The following CDC42BPA variants were observed in gnomAD, a reference collection of about 807,000 sequenced individuals.
CDC42BPA encodes the protein CDC42 binding protein kinase alpha, also known as serine/threonine-protein kinase MRCK alpha.
A neutral mutation model predicts 223.5 loss-of-function variants in CDC42BPA; 80 were observed. The observed-to-expected ratio is 0.36, with a 90% confidence interval of 0.30 to 0.43. The LOEUF is 0.43. Ranked by LOEUF, CDC42BPA falls within the 20% of genes least tolerant of loss-of-function variation. The pLI, the probability that CDC42BPA is intolerant of heterozygous loss-of-function variation, is 1.00. For missense variants in CDC42BPA, 1,743 were observed against 2,099.9 expected, an observed-to-expected ratio of 0.83 and a Z score of 3.32; for synonymous variants, 694 against 718.6, an observed-to-expected ratio of 0.97 and a Z score of 0.55.
intron 1 of CDC42BPA, among the ~76,000 whole-genome samples, chr1:227,297,940 ATGTGTGTGTG>A (rs151032239): frequency 1.1e-5 from 1 of 87,264 alleles, no homozygotes; most frequent in Non-Finnish European, 2.7e-5. Flanking sequence ...ATTTTGTTTT[ATGTGTGTGTG>A]TGTGTATATA....
chr1:227,206,714 G>T (rs1672787636), intron 3 of CDC42BPA, among the ~76,000 whole-genome samples: 1 of 152,028 alleles, frequency 6.6e-6, no homozygotes, highest in Non-Finnish European at 1.5e-5. Flanking sequence ...TTCCTTAAAA[G>T]TTTCAATGCA....
chr1:227,208,901 T>C (rs925833110), intron 3 of CDC42BPA, among the ~76,000 whole-genome samples: 2 of 152,084 alleles, frequency 1.3e-5, no homozygotes, highest in African/African-American at 4.8e-5. Flanking sequence ...AGAAAGTCAT[T>C]GGTAGCTTTA....
In CDC42BPA at chr1:227,112,368, G is replaced by A. The variant is rs1409129749; in HGVS notation, c.1945C>T (p.Arg649Cys). 3.1e-6 allele frequency: 5 copies of A among 1,608,540 alleles called. No homozygotes were observed. The highest frequency in any genetic ancestry group is 2.5e-6 in the Non-Finnish European group (3 of 1,177,496). ...AAEASKDRKL[R>C]EQSEHYSKQL... ...TTAGAATAGTGCTCACTCTGTTCACGTAGCTTCCTGTCTTTAGATGCTTCA... is the reference window on the plus strand; with the variant it reads ...TTAGAATAGTGCTCACTCTGTTCACATAGCTTCCTGTCTTTAGATGCTTCA... The change falls in exon 14 of 37, where the codon CGT (arginine) becomes TGT (cysteine). Residue 649 changes from arginine to cysteine, a missense_variant. Physicochemically the swap from Arg to Cys is radical, Grantham distance 180. Around this residue, in one of 6 missense-constraint regions of CDC42BPA, gnomAD observed 464 missense variants for 488.0 expected, o/e 0.95. Coordinates refer to ENST00000366766, the MANE Select transcript of CDC42BPA (RefSeq NM_001394014.1).
chr1:227,015,156 G>A (rs191441214), intron 34 of CDC42BPA, among the ~76,000 whole-genome samples: 1 of 152,028 alleles, frequency 6.6e-6, no homozygotes, highest in African/African-American at 2.4e-5. Context: ...GTCAGTCTTG[G>A]TGGCTCACGC....
intron 4 of CDC42BPA, among the ~76,000 whole-genome samples, chr1:227,196,337 A>ATTTTTTTTTTTTTTTTT (rs1558733013): frequency 3.5e-5 from 1 of 28,192 alleles, no homozygotes; most frequent in Non-Finnish European, 6.6e-5. Context: ...ATTAAACAAT[A>ATTTTTTTTTTTTTTTTT]CTTTTTTTTT....
At chr1:227,092,826 T>C (rs1381889679) in intron 15 of CDC42BPA, among the ~76,000 whole-genome samples, 4 of 152,216 alleles carry the variant, frequency 2.6e-5, no homozygotes, top group Admixed American at 6.5e-5. Flanking sequence ...TTATTGTGTA[T>C]ATACCGATTT....
At chr1:227,087,092 T>G (rs1272715415) in intron 16 of CDC42BPA, among the ~76,000 whole-genome samples, 1 of 152,224 alleles carries the variant, frequency 6.6e-6, no homozygotes, top group Non-Finnish European at 1.5e-5. Flanking sequence ...ATTTTGATGC[T>G]CAATTTATCA....
intron 1 of CDC42BPA, among the ~76,000 whole-genome samples, chr1:227,304,531 G>A (rs1692227704): frequency 6.6e-6 from 1 of 151,872 alleles, no homozygotes; most frequent in African/African-American, 2.4e-5. Flanking sequence ...AATCAAAGAA[G>A]AAACAAGTCC....
rs1039566645 is a variant in CDC42BPA, at chr1:227,069,872, T to C, written c.2828-19A>G. 1 of 1,566,228 alleles carries C rather than the reference T, an allele frequency of 6.4e-7. No homozygotes were observed. The highest frequency in any genetic ancestry group is 8.8e-7 in the Non-Finnish European group (1 of 1,139,556). ...TCTATACCTAGAAGACAGCAGCAAC[T>C]TTTTTTAAGGCTACAACAATTAAAA... is the stretch of plus-strand genomic sequence containing the variant. On this transcript the variant is annotated intron_variant, in intron 20 of 36. Coordinates refer to ENST00000366766, the MANE Select transcript of CDC42BPA (RefSeq NM_001394014.1).
At chr1:227,118,110 A>G (rs1267408672) in intron 12 of CDC42BPA, among the ~76,000 whole-genome samples, 1 of 152,194 alleles carries the variant, frequency 6.6e-6, no homozygotes, top group African/African-American at 2.4e-5. Flanking sequence ...GATTGGCCAA[A>G]AGTAATAAAT....
chr1:227,311,321 A>G (rs572698331), intron 1 of CDC42BPA, among the ~76,000 whole-genome samples: 48 of 152,274 alleles, frequency 3.2e-4, no homozygotes, highest in Non-Finnish European at 1.9e-4. Flanking sequence ...ATGGTCTCTC[A>G]TAACAATTAT....
At position 227,029,152 on chromosome 1, in the gene CDC42BPA, G is replaced by A. The variant is rs1242121060; in HGVS notation, c.3937C>T (p.Arg1313Ter). The stretch of plus-strand genomic sequence containing the variant: ...TCCAATGCTGACATAGGAAAAAGTC[G>A]TACATGACGATTTCGTCCTGAGATC... Reference protein sequence around the residue: ...AVISGRNRHVRLFPMSALDGR... With the variant: ...AVISGRNRHV Residue 1313 changes from arginine to a stop codon, truncating the protein, a stop_gained, in exon 30 of 37, where the codon CGA becomes TGA. Transcript: ENST00000366766. LOFTEE classifies it high-confidence loss of function. 4.4e-6 allele frequency: 7 copies of A among 1,606,612 alleles called. No homozygotes were observed. Among genetic ancestry groups the A allele is most frequent in the Admixed American group, 1.7e-5 (1 of 59,998 alleles).
intron 9 of CDC42BPA, 133 bp downstream of exon 9, chr1:227,142,812 G>C (rs960596242): frequency 6.4e-5 from 28 of 436,250 alleles, no homozygotes; most frequent in Non-Finnish European, 1.0e-4. Flanking sequence ...TAGAGATGGG[G>C]TTTCACCATA....
intron 2 of CDC42BPA, among the ~76,000 whole-genome samples, chr1:227,247,858 G>A (rs1681269060): frequency 6.6e-6 from 1 of 152,010 alleles, no homozygotes; most frequent in Admixed American, 6.5e-5. Flanking sequence ...CTCCAACCTG[G>A]GTGACAGAGT....
At chr1:227,175,181 C>T (rs2149975566) in intron 5 of CDC42BPA, among the ~76,000 whole-genome samples, 1 of 152,094 alleles carries the variant, frequency 6.6e-6, no homozygotes, top group East Asian at 1.9e-4. Flanking sequence ...TGATATAACC[C>T]CTTTTGGAAC....
chr1:227,060,716 A>AGTTTTTTTTTT (rs1373925166), intron 21 of CDC42BPA, among the ~76,000 whole-genome samples: 1 of 126,552 alleles, frequency 7.9e-6, no homozygotes, highest in Non-Finnish European at 1.6e-5. Flanking sequence ...GTAAATAGGT[A>AGTTTTTTTTTT]CTTTTTTTTT....
chr1:227,193,943 G>GA lies in CDC42BPA; in HGVS notation c.451-10dup, dbSNP rs749898002. ...TAATCCATAACCAGGTACTGTGAAT[G>GA]AAAAAAATAAAATGTACTCAGTAAA... On this transcript the variant is annotated splice_polypyrimidine_tract_variant and intron_variant, in intron 4 of 36. Transcript: ENST00000366766. The GA allele has an allele frequency of 1.9e-6, 3 of 1,585,994 alleles. No individual in the cohort carries two copies. Among genetic ancestry groups the GA allele is most frequent in the Admixed American group, 1.8e-5 (1 of 55,142 alleles).
chr1:227,018,032 A>AATTATTATTATTATT (rs56236828), intron 32 of CDC42BPA, among the ~76,000 whole-genome samples: 2,867 of 145,072 alleles, frequency 0.02, 70 homozygotes, highest in African/African-American at 0.059. Flanking sequence ...TTAAAAATAG[A>AATTATTATTATTATT]ATTATTATTA....
intron 9 of CDC42BPA, among the ~76,000 whole-genome samples, chr1:227,141,128 T>C (rs940972475): frequency 4.6e-5 from 7 of 152,204 alleles, no homozygotes; most frequent in Admixed American, 2.0e-4. Context: ...GATCATTAGA[T>C]TTAGCAACAT....
Sources: allele counts gnomAD v4.1 joint callset (sites outside exome capture counted in the v4.1 genomes callset), GRCh38; gene constraint gnomAD v4.1.1; regional missense constraint gnomAD v4.1.1; transcripts MANE v1.5; gene names NCBI Gene and HGNC (gene_info 2026-07-23, HGNC 2026-07-21).